PADI6: variants seen among roughly 807,000 people sequenced by gnomAD.
The protein encoded by PADI6 is peptidyl arginine deiminase 6.
PADI6 carries 66 observed loss-of-function variants against 78.2 expected under a neutral mutation model. The observed-to-expected ratio is 0.84, with a 90% CI of 0.69 to 1.04. The LOEUF (loss-of-function observed/expected upper bound fraction) is 1.04. PADI6 is among the 50% of genes least tolerant of loss of function. PADI6 has a pLI of 0.00. For missense variants in PADI6, 854 were observed against 866.1 expected (o/e 0.99, Z 0.18); for synonymous variants, 397 against 346.9 (o/e 1.14, Z -1.60).
intron 3 of PADI6, among the ~76,000 whole-genome samples, chr1:17,376,278 A>G (rs1053636346): frequency 6.7e-6 from 1 of 149,132 alleles, no homozygotes; most frequent in African/African-American, 2.5e-5. Flanking sequence ...TGGCCATATC[A>G]TCTCTCTTAA....
chr1:17,377,720 G>A (rs557767496), intron 3 of PADI6, among the ~76,000 whole-genome samples: 7 of 152,098 alleles, frequency 4.6e-5, no homozygotes, highest in South Asian at 2.1e-4. Flanking sequence ...CCAGCAACTC[G>A]CACTCCCAGT....
intron 14 of PADI6, among the ~76,000 whole-genome samples, chr1:17,397,926 C>T (rs775814871): frequency 2.9e-4 from 44 of 152,074 alleles, no homozygotes; most frequent in Non-Finnish European, 5.3e-4. Context: ...CTCAAATAGA[C>T]GAGGGACTAC....
At chr1:17,390,177 G>A (rs990269702) in intron 8 of PADI6, among the ~76,000 whole-genome samples, 2 of 151,536 alleles carry the variant, frequency 1.3e-5, no homozygotes, top group African/African-American at 4.9e-5. Flanking sequence ...GTGCATGCCT[G>A]TAGTCCCAGC....
At chr1:17,384,358 C>T (rs1313046719) in intron 6 of PADI6, among the ~76,000 whole-genome samples, 1 of 152,072 alleles carries the variant, frequency 6.6e-6, no homozygotes, top group African/African-American at 2.4e-5. Context: ...CTTTGGGAGG[C>T]CAAGGCAGGA....
At chr1:17,393,547 A>G (rs1479675962) in intron 9 of PADI6, among the ~76,000 whole-genome samples, 2 of 152,092 alleles carry the variant, frequency 1.3e-5, no homozygotes, top group Non-Finnish European at 2.9e-5. Context: ...TTTCGCCCAG[A>G]CTGGAGTGCA....
Position 17,394,457 on chromosome 1 carries a change from GAGC to G in PADI6, c.1337+4_1337+6del. The G allele has an allele frequency of 6.2e-7, 1 of 1,612,088 alleles. No homozygotes were observed. The highest frequency in any genetic ancestry group is 8.5e-7 in the Non-Finnish European group (1 of 1,178,820). ...ATTGGCAGCAGCTTTTACCCCAGGT[GAGC>G]CACAAAGCCAGACGCCTCCAAATGA... On this transcript the variant is annotated splice_donor_5th_base_variant and intron_variant, in intron 11 of 15. Coordinates refer to ENST00000619609, the MANE Select transcript of PADI6 (RefSeq NM_207421.4).
Position 17,394,465 on chromosome 1 carries a change from AAGCC to A in PADI6, c.1337+14_1337+17del. 1.2e-6 allele frequency: 2 copies of A among 1,610,574 alleles called. No individual in the cohort carries two copies. Among genetic ancestry groups the A allele is most frequent in the Non-Finnish European group, 1.7e-6 (2 of 1,177,850 alleles). On this transcript the variant is annotated intron_variant, in intron 11 of 15. Transcript: ENST00000619609. ...CAGCTTTTACCCCAGGTGAGCCACA[AAGCC>A]AGACGCCTCCAAATGAAAGGAAGGG...
intron 15 of PADI6, 62 bp downstream of exon 15, chr1:17,398,909 C>T: frequency 6.5e-7 from 1 of 1,543,144 alleles, no homozygotes; most frequent in Non-Finnish European, 8.9e-7. Context: ...CTGGCTGCCA[C>T]CTCACTGTGC....
intron 2 of PADI6, among the ~76,000 whole-genome samples, chr1:17,374,434 T>C (rs1281559502): frequency 6.6e-6 from 1 of 152,034 alleles, no homozygotes; most frequent in African/African-American, 2.4e-5. Flanking sequence ...GAGACCAGCC[T>C]GGCCAACATG....
intron 3 of PADI6, among the ~76,000 whole-genome samples, chr1:17,377,207 C>G (rs1292421552): frequency 2.0e-5 from 3 of 152,062 alleles, no homozygotes; most frequent in African/African-American, 7.2e-5. Context: ...AGCCTGGTCT[C>G]AAACTCCTGG....
intron 13 of PADI6, 42 bp downstream of exon 13, chr1:17,395,705 C>G (rs1276466688): frequency 6.4e-7 from 1 of 1,574,180 alleles, no homozygotes; most frequent in Non-Finnish European, 8.7e-7. Context: ...TGGGGTCTTC[C>G]TTTTTCCAGG....
In PADI6 at chr1:17,398,654, G is replaced by GCTCC. The variant is rs1553154452; in HGVS notation, c.1690-31_1690-30insTCCC. ...CCTGATGAGCTCTCCTTGCTCCCCC[G>GCTCC]CCCCCCCCCCCACCCACCCACCCAC... On this transcript the variant is annotated intron_variant, in intron 14 of 15. Coordinates refer to ENST00000619609, the MANE Select transcript of PADI6 (RefSeq NM_207421.4). 1.5e-4 allele frequency: 27 copies of GCTCC among 177,768 alleles called. 1 individual carries two copies. The highest frequency in any genetic ancestry group is 3.0e-4 in the South Asian group (6 of 19,806). The allele number at this position is 177,768 out of a possible 1,614,324, so 11.0% of individuals were successfully genotyped here.
chr1:17,392,015 G>T, intron 8 of PADI6, 99 bp from the exon 9 acceptor site: 1 of 1,001,506 alleles, frequency 1.0e-6, no homozygotes, highest in Non-Finnish European at 1.5e-6. Flanking sequence ...AACCTCTCCT[G>T]GTGAGAAGGA....
intron 3 of PADI6, among the ~76,000 whole-genome samples, chr1:17,377,978 C>A (rs951836411): frequency 6.6e-6 from 1 of 152,166 alleles, no homozygotes; most frequent in Non-Finnish European, 1.5e-5. Flanking sequence ...CTGTCTTTAC[C>A]GCTTGTGAAT....
In PADI6 at chr1:17,401,531, G is replaced by T; in HGVS notation, c.*93G>T. The T allele has an allele frequency of 1.7e-6, 2 of 1,183,618 alleles. No individual in the cohort carries two copies. Among genetic ancestry groups the T allele is most frequent in the Non-Finnish European group, 2.4e-6 (2 of 834,492 alleles). 73.3% of individuals were successfully genotyped at this position (1,183,618 alleles called of 1,614,324 possible). A position where few individuals can be genotyped will look rare whatever the true frequency, so the allele number is the denominator to read the frequency against. ...ATTCTTTGCCCAGTAGAGGAGGCTG[G>T]AGAGTCCAGGCAACAGAACCCTTTC... is the stretch of plus-strand genomic sequence containing the variant. On this transcript the variant is annotated 3_prime_UTR_variant, in exon 16 of 16. Coordinates refer to ENST00000619609, the MANE Select transcript of PADI6 (RefSeq NM_207421.4).
At chr1:17,381,471 A>C (rs1557599117) in intron 5 of PADI6, among the ~76,000 whole-genome samples, 1 of 152,202 alleles carries the variant, frequency 6.6e-6, no homozygotes, top group African/African-American at 2.4e-5. Flanking sequence ...CCTCCCAACT[A>C]TATCAGTTGG....
At chr1:17,389,684 C>T (rs1346211250) in intron 8 of PADI6, among the ~76,000 whole-genome samples, 1 of 152,190 alleles carries the variant, frequency 6.6e-6, no homozygotes, top group East Asian at 1.9e-4. Context: ...AGATAGGATC[C>T]TGAAGGCAGA....
rs2075302251 is a variant in PADI6 at position 17,401,611 on chromosome 1, G to C, written c.*173G>C. 1.6e-6 allele frequency: 1 copy of C among 636,306 alleles called. No homozygotes were observed. Among genetic ancestry groups the C allele is most frequent in the South Asian group, 2.0e-5 (1 of 50,586 alleles). 39.4% of individuals were successfully genotyped at this position (636,306 alleles called of 1,614,324 possible). A position where few individuals can be genotyped will look rare whatever the true frequency, so the allele number is the denominator to read the frequency against. On this transcript the variant is annotated 3_prime_UTR_variant, in exon 16 of 16. Transcript: ENST00000619609. ...CCCAGTAGGATGGCAAATGCCGCCA[G>C]CTTGAACCCCTATGGGGAAAAGATG...
intron 11 of PADI6, 31 bp downstream of exon 11, chr1:17,394,485 A>G (rs1480347073): frequency 6.2e-7 from 1 of 1,604,894 alleles, no homozygotes; most frequent in Admixed American, 1.7e-5. Flanking sequence ...CCTCCAAATG[A>G]AAGGAAGGGA....
Sources: gnomAD v4.1 joint callset for allele counts (sites outside exome capture counted in the v4.1 genomes callset) on GRCh38, gnomAD v4.1.1 for gene constraint, MANE v1.5 for transcripts, NCBI Gene and HGNC (gene_info 2026-07-23, HGNC 2026-07-21) for gene names.